The following CMTM4 variants were observed in gnomAD, a reference collection of about 807,000 sequenced individuals.
CMTM4 encodes the protein CKLF-like MARVEL transmembrane domain-containing protein 4.
A neutral mutation model predicts 19.0 loss-of-function variants in CMTM4; 8 were observed. The observed-to-expected ratio is 0.42, with a 90% CI of 0.25 to 0.76. The LOEUF (loss-of-function observed/expected upper bound fraction) is 0.76. Ranked by LOEUF, CMTM4 falls within the 30% of genes least tolerant of loss-of-function variation. CMTM4 has a pLI of 0.27. For synonymous variants in CMTM4, 106 were observed against 121.1 expected (o/e 0.88, Z 0.82); for missense variants, 228 against 290.2 (o/e 0.79, Z 1.56).
At chr16:66,645,492 G>C (rs1386518942) in intron 1 of CMTM4, among the ~76,000 whole-genome samples, 1 of 148,212 alleles carries the variant, frequency 6.7e-6, no homozygotes, top group African/African-American at 2.5e-5. Flanking sequence ...GCAGAGAACT[G>C]CTTGAACCCG....
chr16:66,598,717 T>C, the CMTM4 span, among the ~76,000 whole-genome samples: 2 of 152,228 alleles, frequency 1.3e-5, no homozygotes, highest in Non-Finnish European at 1.5e-5. Flanking sequence ...GTCTGCAGAA[T>C]GCATCCACAT....
chr16:66,688,487 G>C lies in CMTM4; in HGVS notation c.186+7853C>G, dbSNP rs555161941. On this transcript the variant is annotated intron_variant, in intron 1 of 3. Coordinates refer to ENST00000394106, the MANE Select transcript of CMTM4 (RefSeq NM_181521.3). ...TTGCCAAAAGTCTCATGGCCGATAA[G>C]AGATACGAAGTCCATCATACTCTCA... Among the ~76,000 whole-genome samples, 12 of 151,830 alleles carry C rather than the reference G, an allele frequency of 7.9e-5. 1 individual carries two copies. The South Asian group carries it at 2.5e-3, about 32-fold the overall frequency.
At chr16:66,636,859 A>G (rs2016002505) in intron 1 of CMTM4, among the ~76,000 whole-genome samples, 1 of 152,208 alleles carries the variant, frequency 6.6e-6, no homozygotes, top group South Asian at 2.1e-4. Context: ...CCCCGGGTGT[A>G]AACTGCTGGC....
chr16:66,630,881 T>C (rs1455774086), intron 2 of CMTM4, among the ~76,000 whole-genome samples: 1 of 143,604 alleles, frequency 7.0e-6, no homozygotes, highest in Non-Finnish European at 1.5e-5. Context: ...GCCCATCGTC[T>C]GAGATGTGGG....
In CMTM4 at chr16:66,650,929, G is replaced by A. The variant is rs140140730; in HGVS notation, c.187-14348C>T. On this transcript the variant is annotated intron_variant, in intron 1 of 3. Transcript: ENST00000394106. ...TGACCACACGCGCACACACAGCAGG[G>A]TTCAAAGTGTCTTCAGAATCAGACG... Among the ~76,000 whole-genome samples the A allele has an allele frequency of 2.8e-3, 429 of 152,236 alleles. 3 individuals are homozygous for A. The highest frequency in any genetic ancestry group is 9.8e-3 in the African/African-American group (408 of 41,522).
intron 1 of CMTM4, among the ~76,000 whole-genome samples, chr16:66,668,438 C>G (rs774804332): frequency 6.6e-6 from 1 of 152,174 alleles, no homozygotes; most frequent in Non-Finnish European, 1.5e-5. Context: ...TTGGAAATAT[C>G]TGTCCATGTT....
chr16:66,604,018 C>T, the CMTM4 span: 1 of 152,348 alleles, frequency 6.6e-6, no homozygotes, highest in Non-Finnish European at 1.5e-5. Context: ...GATGTGCACG[C>T]ATGTGCGTGT....
Position 66,667,480 on chromosome 16 carries a change from G to A in CMTM4, c.186+28860C>T, listed in dbSNP as rs572080346. On this transcript the variant is annotated intron_variant, in intron 1 of 3. Coordinates refer to ENST00000394106, the MANE Select transcript of CMTM4 (RefSeq NM_181521.3). ...TCCATTTTCTTTGTAGAAATGTGTC[G>A]TCATATGTAATATCACACCTACATA... Among the ~76,000 whole-genome samples the A allele has an allele frequency of 1.7e-4, 26 of 152,148 alleles. No homozygotes were observed. The East Asian group carries it at 1.7e-3, about 10-fold the overall frequency.
At chr16:66,664,022 C>T (rs192614315) in intron 1 of CMTM4, among the ~76,000 whole-genome samples, 2 of 152,062 alleles carry the variant, frequency 1.3e-5, no homozygotes, top group African/African-American at 4.8e-5. Context: ...CACCTGAGCT[C>T]AGGAGTTTGA....
intron 2 of CMTM4, among the ~76,000 whole-genome samples, chr16:66,631,696 G>A (rs1487533220): frequency 6.6e-6 from 1 of 152,102 alleles, no homozygotes; most frequent in East Asian, 1.9e-4. Flanking sequence ...TAAGGGCGGT[G>A]CAAGATGTGC....
At chr16:66,612,169 C>G (rs546296966), downstream of CMTM4, among the ~76,000 whole-genome samples, 233 of 152,288 alleles carry the variant, frequency 1.5e-3, no homozygotes, top group Non-Finnish European at 2.7e-3. This position sits in a 1 kb window ranked among gnomAD's most constrained non-coding sequence, Gnocchi z 6.0. Context: ...TACCCCAGCA[C>G]TTTGGGAGGC....
intron 1 of CMTM4, among the ~76,000 whole-genome samples, chr16:66,672,476 T>C (rs2016727174): frequency 6.7e-6 from 1 of 149,738 alleles, no homozygotes; most frequent in African/African-American, 2.4e-5. Context: ...ACAACTTATA[T>C]ATATATAATA....
chr16:66,598,188 T>C, the CMTM4 span, among the ~76,000 whole-genome samples: 1 of 152,268 alleles, frequency 6.6e-6, no homozygotes, highest in Non-Finnish European at 1.5e-5. Flanking sequence ...CGGAGGCATG[T>C]AGAGGAAATA....
At chr16:66,663,832 C>T (rs761824320) in intron 1 of CMTM4, among the ~76,000 whole-genome samples, 2 of 152,114 alleles carry the variant, frequency 1.3e-5, no homozygotes, top group African/African-American at 4.8e-5. Context: ...TGAGCCAACA[C>T]ACCCGGCCCA....
chr16:66,638,641 C>G (rs1457515934), intron 1 of CMTM4, among the ~76,000 whole-genome samples: 1 of 151,950 alleles, frequency 6.6e-6, no homozygotes, highest in Non-Finnish European at 1.5e-5. Flanking sequence ...GGTGGATCAC[C>G]TGAGGTCAGG....
At chr16:66,665,627 C>T (rs1216293637) in intron 1 of CMTM4, among the ~76,000 whole-genome samples, 1 of 151,990 alleles carries the variant, frequency 6.6e-6, no homozygotes, top group Non-Finnish European at 1.5e-5. Context: ...GCCTGTAGTC[C>T]CAGCTACTCG....
At chr16:66,609,528 G>A in the CMTM4 span, 1 of 1,595,764 alleles carries the variant, frequency 6.3e-7, no homozygotes, top group Non-Finnish European at 8.5e-7. This position sits in a 1 kb window ranked among gnomAD's most constrained non-coding sequence, Gnocchi z 4.4. Context: ...CAAAGCCGCT[G>A]GGGTGAGCAG....
In CMTM4 at chr16:66,619,762, T is replaced by C. The variant is rs1596898665; in HGVS notation, c.*2296A>G. On this transcript the variant is annotated 3_prime_UTR_variant, in exon 4 of 4. Transcript: ENST00000394106. Reference sequence around the variant, plus strand: ...CCGGTTCTAGTGGGAGTTAATTAAATACAAGGAGAACATTTACAAAACCAC... The same window carrying C: ...CCGGTTCTAGTGGGAGTTAATTAAACACAAGGAGAACATTTACAAAACCAC... 1 of 985,282 alleles carries C rather than the reference T, an allele frequency of 1.0e-6. No individual in the cohort carries two copies. The allele number at this position is 985,282 out of a possible 1,614,324, so 61.0% of individuals were successfully genotyped here. A position where few individuals can be genotyped will look rare whatever the true frequency, so the allele number is the denominator to read the frequency against.
In CMTM4 at chr16:66,619,239, A is replaced by G. The variant is rs1184162800; in HGVS notation, c.*2819T>C. 5.1e-6 allele frequency: 5 copies of G among 985,308 alleles called. No individual in the cohort carries two copies. Among genetic ancestry groups the G allele is most frequent in the Non-Finnish European group, 6.0e-6 (5 of 829,942 alleles). The allele number at this position is 985,308 out of a possible 1,614,324, so 61.0% of individuals were successfully genotyped here. Reference sequence around the variant, plus strand: ...AGAGAATCAGAGGGAAAAAATACCAAATCCACCCAATCAGTGCCAAAATAA... The same window carrying G: ...AGAGAATCAGAGGGAAAAAATACCAGATCCACCCAATCAGTGCCAAAATAA... On this transcript the variant is annotated 3_prime_UTR_variant, in exon 4 of 4. Coordinates refer to ENST00000394106, the MANE Select transcript of CMTM4 (RefSeq NM_181521.3).
Sources: gnomAD v4.1 joint callset for allele counts (sites outside exome capture counted in the v4.1 genomes callset) on GRCh38, gnomAD v4.1.1 for gene constraint, Gnocchi (gnomAD v3.1) non-coding constraint, MANE v1.5 for transcripts, NCBI Gene and HGNC (gene_info 2026-07-23, HGNC 2026-07-21) for gene names.